Variants in IKZF3 observed in about 807,000 individuals in gnomAD.
IKZF3 encodes the protein zinc finger protein Aiolos.
Under a neutral mutation model 49.0 loss-of-function variants are expected in IKZF3, and 10 were observed. The observed-to-expected ratio is 0.20, with a 90% CI of 0.13 to 0.35. The LOEUF (loss-of-function observed/expected upper bound fraction) is 0.35. IKZF3 is among the 10% of genes least tolerant of loss of function. IKZF3 has a pLI of 1.00. For synonymous variants in IKZF3, 209 were observed against 228.2 expected, an observed-to-expected ratio of 0.92 and a Z score of 0.76; for missense variants, 498 against 664.8, an observed-to-expected ratio of 0.75 and a Z score of 2.76.
At position 39,766,369 on chromosome 17, in the gene IKZF3, G is replaced by A. The variant is rs115944615; in HGVS notation, c.951C>T (p.Ala317=). 5.0e-3 allele frequency: 8,149 copies of A among 1,614,186 alleles called. 38 individuals are homozygous for A. The highest frequency in any genetic ancestry group is 6.0e-3 in the Non-Finnish European group (7,075 of 1,180,032). The change falls in exon 8 of 8, where the codon GCC becomes GCT. Residue 317 remains alanine (A), a synonymous_variant. Transcript: ENST00000346872. ...TCTGGACCAAGGGGCGCAGGGCTTC[G>A]GCGCCAAGATAGCTGATGGCGTTAT... is the stretch of plus-strand genomic sequence containing the variant. ...AINNAISYLG[A]EALRPLVQTP... is the part of the protein sequence containing the mutation.
Position 39,811,228 on chromosome 17 carries a change from C to T in IKZF3, c.163+18159G>A, listed in dbSNP as rs1177012579. On this transcript the variant is annotated intron_variant, in intron 3 of 7. Coordinates refer to ENST00000346872, the MANE Select transcript of IKZF3 (RefSeq NM_012481.5). ...CTCCAGCCTGGACAGCAGAGCAAGA[C>T]CCTGTCTGAAAGAAAGAAAGAAAGA... is the stretch of plus-strand genomic sequence containing the variant. 1.5e-4 allele frequency among the ~76,000 whole-genome samples: 3 copies of T among 19,992 alleles called. No individual in the cohort carries two copies. The South Asian group carries it at 4.4e-3, about 29-fold the overall frequency. 13.1% of individuals were successfully genotyped at this position (19,992 alleles called of 152,430 possible). A position where few individuals can be genotyped will look rare whatever the true frequency, so the allele number is the denominator to read the frequency against.
rs1208742821 is a variant in IKZF3, at chr17:39,863,396, A to G, written c.7+724T>C. ...TCATTTTTAATAGAATGAAATTCTG[A>G]ATTTCTTAATCCCACCATCCCCCCC... On this transcript the variant is annotated intron_variant, in intron 1 of 7. Coordinates refer to ENST00000346872, the MANE Select transcript of IKZF3 (RefSeq NM_012481.5). Among the ~76,000 whole-genome samples the G allele has an allele frequency of 3.3e-5, 5 of 152,130 alleles. No individual in the cohort carries two copies. In the East Asian group the frequency reaches 7.7e-4, roughly 23 times the overall value.
At chr17:39,778,843 T>C (rs2060656276) in intron 6 of IKZF3, among the ~76,000 whole-genome samples, 1 of 152,178 alleles carries the variant, frequency 6.6e-6, no homozygotes, top group Admixed American at 6.5e-5. Flanking sequence ...AACCTGCCTA[T>C]GAATGTGGGC....
At chr17:39,782,435 C>T (rs1460767018) in intron 6 of IKZF3, among the ~76,000 whole-genome samples, 1 of 152,124 alleles carries the variant, frequency 6.6e-6, no homozygotes, top group East Asian at 1.9e-4. Context: ...ACACACATAT[C>T]ACACATACAC....
chr17:39,800,502 C>T (rs1393426650), intron 3 of IKZF3, among the ~76,000 whole-genome samples: 1 of 152,174 alleles, frequency 6.6e-6, no homozygotes, highest in Non-Finnish European at 1.5e-5. Context: ...AATTGCTATA[C>T]ATTCCCAGAG....
chr17:39,788,744 G>C (rs1175642545), intron 5 of IKZF3, among the ~76,000 whole-genome samples: 7 of 152,134 alleles, frequency 4.6e-5, no homozygotes, highest in Non-Finnish European at 1.5e-5. Context: ...AATAGGAAAG[G>C]ATTCTTTATT....
At chr17:39,796,989 C>T (rs2061181851) in intron 3 of IKZF3, among the ~76,000 whole-genome samples, 1 of 151,216 alleles carries the variant, frequency 6.6e-6, no homozygotes. Flanking sequence ...ATGGTGAAAC[C>T]CCATCTCTAC....
chr17:39,765,727 G>T lies in IKZF3; in HGVS notation c.*63C>A. 1.6e-6 allele frequency: 2 copies of T among 1,247,130 alleles called. No homozygotes were observed. The highest frequency in any genetic ancestry group is 1.5e-5 in the African/African-American group (1 of 66,986). 77.3% of individuals were successfully genotyped at this position (1,247,130 alleles called of 1,614,324 possible). The stretch of plus-strand genomic sequence containing the variant: ...GTATGTTTTGAGAGCAATCTGTTAG[G>T]CGAGGTCATTGGTTTTTAGAAACGA... On this transcript the variant is annotated 3_prime_UTR_variant, in exon 8 of 8. Coordinates refer to ENST00000346872, the MANE Select transcript of IKZF3 (RefSeq NM_012481.5).
chr17:39,814,962 C>T (rs983421517), intron 3 of IKZF3, among the ~76,000 whole-genome samples: 7 of 152,074 alleles, frequency 4.6e-5, no homozygotes, highest in African/African-American at 2.4e-5. Flanking sequence ...ATCGAGGTAT[C>T]GTGTGTACTT....
chr17:39,852,235 C>T (rs184647509), intron 1 of IKZF3, among the ~76,000 whole-genome samples: 20 of 152,236 alleles, frequency 1.3e-4, no homozygotes, highest in African/African-American at 4.8e-4. Flanking sequence ...AGCAACATCC[C>T]ACTGATTTCT....
intron 3 of IKZF3, among the ~76,000 whole-genome samples, chr17:39,811,332 A>G (rs997516436): frequency 2.6e-5 from 4 of 151,460 alleles, no homozygotes; most frequent in Non-Finnish European, 5.9e-5. Flanking sequence ...AGAAAGAAAG[A>G]AAGAAAGAAA....
At chr17:39,850,730 A>G (rs1231058696) in intron 1 of IKZF3, among the ~76,000 whole-genome samples, 1 of 28,634 alleles carries the variant, frequency 3.5e-5, no homozygotes, top group Non-Finnish European at 7.0e-5. Context: ...ATATACATAT[A>G]TAATAGGCTA....
At chr17:39,776,405 T>G (rs543581365) in intron 7 of IKZF3, among the ~76,000 whole-genome samples, 2 of 152,332 alleles carry the variant, frequency 1.3e-5, no homozygotes, top group South Asian at 2.1e-4. Context: ...CACCATTTGT[T>G]TACTGTGCCT....
intron 3 of IKZF3, among the ~76,000 whole-genome samples, chr17:39,806,498 C>T (rs550937785): frequency 6.6e-6 from 1 of 152,146 alleles, no homozygotes; most frequent in Non-Finnish European, 1.5e-5. Context: ...TGCTCATCAT[C>T]CTCAGTCATT....
At chr17:39,787,636 A>G (rs749822010) in intron 6 of IKZF3, among the ~76,000 whole-genome samples, 1 of 152,200 alleles carries the variant, frequency 6.6e-6, no homozygotes, top group Non-Finnish European at 1.5e-5. Flanking sequence ...TACCACTAAC[A>G]AGACATAATT....
chr17:39,864,095 G>A (rs773627025), intron 1 of IKZF3, 25 bp downstream of exon 1: 9 of 1,613,058 alleles, frequency 5.6e-6, no homozygotes, highest in South Asian at 4.4e-5. Flanking sequence ...AGACCCCGGA[G>A]AAAAGAAGCG....
chr17:39,863,690 C>T (rs537195975), intron 1 of IKZF3, among the ~76,000 whole-genome samples: 8 of 152,240 alleles, frequency 5.3e-5, no homozygotes, highest in Admixed American at 5.2e-4. Context: ...TTAAAATGTA[C>T]CTTTCCCATA....
chr17:39,819,066 A>G (rs1598105014), intron 3 of IKZF3, among the ~76,000 whole-genome samples: 3 of 152,204 alleles, frequency 2.0e-5, no homozygotes, highest in African/African-American at 7.2e-5. Flanking sequence ...GTTGGAGGTA[A>G]GGCGATACTA....
In IKZF3 at chr17:39,837,287, C is replaced by A. The variant is rs12948164; in HGVS notation, c.8-5136G>T. On this transcript the variant is annotated intron_variant, in intron 1 of 7. Transcript: ENST00000346872. The stretch of plus-strand genomic sequence containing the variant: ...TTGAGTTCTGATCTGGTATCACGTC[C>A]CTACAGTCTAAAGAACTTTAGCATT... Among the ~76,000 whole-genome samples, 967 of 152,050 alleles carry A rather than the reference C, an allele frequency of 6.4e-3. 14 individuals are homozygous for A. The highest frequency in any genetic ancestry group is 0.022 in the African/African-American group (925 of 41,488).
Sources: gnomAD v4.1 joint callset for allele counts (sites outside exome capture counted in the v4.1 genomes callset) on GRCh38, gnomAD v4.1.1 for gene constraint, MANE v1.5 for transcripts, NCBI Gene and HGNC (gene_info 2026-07-23, HGNC 2026-07-21) for gene names.